Variants in SLC25A53 observed in about 807,000 individuals in gnomAD.
The protein encoded by SLC25A53 is mitochondrial carrier triple repeat protein 6.
Under a neutral mutation model 15.0 loss-of-function variants are expected in SLC25A53, and 5 were observed. That is an observed-to-expected ratio of 0.33 (90% CI 0.17 to 0.70). The LOEUF is 0.70. SLC25A53 is among the 30% of genes least tolerant of loss of function. The pLI is 0.67. For synonymous variants in SLC25A53, 95 were observed against 100.0 expected (o/e 0.95, Z 0.30); for missense variants, 216 against 241.6 (o/e 0.89, Z 0.70).
intron 1 of SLC25A53, among the ~76,000 whole-genome samples, chrX:104,110,261 C>T (rs1446306280): frequency 1.8e-5 from 2 of 111,440 alleles, no homozygotes; most frequent in Non-Finnish European, 3.8e-5. Context: ...GGAGCAGAAG[C>T]AAAAGTCTGA....
At chrX:104,116,619 G>T (rs781855593) in intron 1 of SLC25A53, among the ~76,000 whole-genome samples, 10 of 111,327 alleles carry the variant, frequency 9.0e-5, no homozygotes, top group African/African-American at 3.3e-4. Context: ...CAGAACCCTG[G>T]GCTATGTTGT....
In SLC25A53 at chrX:104,102,549, C is replaced by G. The variant is rs1183072110; in HGVS notation, c.*1785G>C. 1 of 111,981 alleles carries G rather than the reference C, an allele frequency of 8.9e-6. No homozygotes were observed. Among genetic ancestry groups the G allele is most frequent in the South Asian group, 3.7e-4 (1 of 2,700 alleles). 9.2% of individuals were successfully genotyped at this position (111,981 alleles called of 1,213,427 possible). On this transcript the variant is annotated 3_prime_UTR_variant, in exon 2 of 2. Coordinates refer to ENST00000594199, the MANE Select transcript of SLC25A53 (RefSeq NM_001012755.5). ...ATCAATTATTAAAAGAAAGCAAAAA[C>G]ACAGCCCAAAGGCACGTGTCTTGCT...
chrX:104,110,909 C>T (rs1263799227), intron 1 of SLC25A53, among the ~76,000 whole-genome samples: 1 of 112,821 alleles, frequency 8.9e-6, no homozygotes, highest in Admixed American at 9.3e-5. Context: ...ACTTCTTCAT[C>T]AAGCATGGCT....
intron 1 of SLC25A53, chrX:104,112,333 G>A (rs1191693598): frequency 8.8e-6 from 1 of 113,322 alleles, no homozygotes; most frequent in Non-Finnish European, 1.9e-5. Context: ...AGGGAAATGG[G>A]CCCAGTCCGT....
intron 1 of SLC25A53, among the ~76,000 whole-genome samples, chrX:104,123,089 C>G (rs978798916): frequency 8.9e-6 from 1 of 112,068 alleles, no homozygotes; most frequent in African/African-American, 3.2e-5. Context: ...CCATAGAATG[C>G]CATCATAACG....
intron 1 of SLC25A53, chrX:104,113,403 C>T (rs1462996884): frequency 9.0e-6 from 1 of 110,823 alleles, no homozygotes; most frequent in Non-Finnish European, 1.9e-5. Context: ...AAGCTGCTTC[C>T]AACCCTTCCT....
At chrX:104,143,810 A>T (rs1398552190) in intron 1 of SLC25A53, among the ~76,000 whole-genome samples, 6 of 111,482 alleles carry the variant, frequency 5.4e-5, no homozygotes, top group African/African-American at 2.0e-4. Flanking sequence ...ACATTCACCA[A>T]GGTTGAAATG....
chrX:104,106,684 A>G (rs781859584), intron 1 of SLC25A53, among the ~76,000 whole-genome samples: 1 of 111,281 alleles, frequency 9.0e-6, no homozygotes, highest in East Asian at 2.9e-4. Context: ...AAGAAGCCCA[A>G]TGCAGCCTTC....
intron 1 of SLC25A53, among the ~76,000 whole-genome samples, chrX:104,129,030 AG>A (rs1556364972): frequency 2.7e-5 from 3 of 111,781 alleles, no homozygotes; most frequent in Non-Finnish European, 5.6e-5. Flanking sequence ...AATTATATGC[AG>A]TATTTTATAG....
chrX:104,142,868 C>G (rs782450935), intron 1 of SLC25A53, among the ~76,000 whole-genome samples: 1 of 104,483 alleles, frequency 9.6e-6, no homozygotes, highest in African/African-American at 3.6e-5. Context: ...TTACGGTGAG[C>G]CGAGATTGCA....
At chrX:104,141,345 C>G (rs1376792224) in intron 1 of SLC25A53, among the ~76,000 whole-genome samples, 1 of 111,430 alleles carries the variant, frequency 9.0e-6, no homozygotes, top group Non-Finnish European at 1.9e-5. Flanking sequence ...TGGGCTCCTA[C>G]TTTACACCAC....
At chrX:104,140,798 A>G (rs1556367392) in intron 1 of SLC25A53, among the ~76,000 whole-genome samples, 1 of 111,653 alleles carries the variant, frequency 9.0e-6, no homozygotes, top group Non-Finnish European at 1.9e-5. Flanking sequence ...GTTCTCACCC[A>G]CTGGCCTGCT....
intron 1 of SLC25A53, among the ~76,000 whole-genome samples, chrX:104,118,627 A>G (rs1240907611): frequency 1.8e-5 from 2 of 112,593 alleles, no homozygotes; most frequent in Non-Finnish European, 1.9e-5. Context: ...CATATTTCAG[A>G]TGATGAAACA....
At chrX:104,114,891 CTG>C (rs782084368) in intron 1 of SLC25A53, 15 of 1,203,112 alleles carry the variant, frequency 1.2e-5, no homozygotes, top group Non-Finnish European at 1.7e-5. Flanking sequence ...GCAGTGCTGA[CTG>C]TAACTGCAAC....
intron 1 of SLC25A53, among the ~76,000 whole-genome samples, chrX:104,155,991 G>A (rs1361306619): frequency 9.5e-6 from 1 of 105,548 alleles, no homozygotes; most frequent in African/African-American, 3.5e-5. Flanking sequence ...GACGGAGGTT[G>A]CAGTGAGCGG....
chrX:104,136,239 G>A (rs969967006), intron 1 of SLC25A53, among the ~76,000 whole-genome samples: 2 of 110,664 alleles, frequency 1.8e-5, no homozygotes, highest in African/African-American at 3.3e-5. Flanking sequence ...ACATAGTGCC[G>A]GAAGTCTCAA....
At chrX:104,155,848 A>C (rs1161553261) in intron 1 of SLC25A53, among the ~76,000 whole-genome samples, 1 of 110,423 alleles carries the variant, frequency 9.1e-6, no homozygotes, top group Non-Finnish European at 1.9e-5. Flanking sequence ...GTTCGAGGCC[A>C]ACCTGGCCAA....
chrX:104,134,104 AG>A (rs782451252), intron 1 of SLC25A53, among the ~76,000 whole-genome samples: 15 of 111,604 alleles, frequency 1.3e-4, no homozygotes, highest in Non-Finnish European at 2.8e-4. Flanking sequence ...AGAGTCACAG[AG>A]GGGTTCATTT....
intron 1 of SLC25A53, chrX:104,112,365 T>C (rs1259882781): frequency 8.8e-6 from 1 of 113,726 alleles, no homozygotes; most frequent in African/African-American, 3.2e-5. Context: ...GCTGACGCCG[T>C]GCCGCCTCCC....
Sources: gnomAD v4.1 joint callset for allele counts (sites outside exome capture counted in the v4.1 genomes callset) on GRCh38, gnomAD v4.1.1 for gene constraint, MANE v1.5 for transcripts, NCBI Gene and HGNC (gene_info 2026-07-23, HGNC 2026-07-21) for gene names.